The following NBAS variants were observed in gnomAD, a reference collection of about 807,000 sequenced individuals.
NBAS encodes the protein NAG/BC035112 fusion.
Under a neutral mutation model 302.5 loss-of-function variants are expected in NBAS, and 219 were observed. That is an observed-to-expected ratio of 0.72 (90% CI 0.65 to 0.81). The LOEUF (loss-of-function observed/expected upper bound fraction) is 0.81. Among genes scored for constraint, NBAS ranks in the 30% least tolerant of loss-of-function variants. The probability of loss-of-function intolerance (pLI) is 0.00; values close to 1 mark genes in which losing one functional copy is unlikely to be tolerated. For synonymous variants in NBAS, 1,118 were observed against 1,021.6 expected, an observed-to-expected ratio of 1.09 and a Z score of -1.80; for missense variants, 2,932 against 2,841.6, an observed-to-expected ratio of 1.03 and a Z score of -0.72.
chr2:14,951,578 A>C, the NBAS span, among the ~76,000 whole-genome samples: 2 of 152,184 alleles, frequency 1.3e-5, no homozygotes, highest in African/African-American at 2.4e-5. Context: ...TCACTCACCT[A>C]TGCATTTAAA....
At chr2:15,165,038 C>T (rs1663980899), downstream of NBAS, among the ~76,000 whole-genome samples, 2 of 152,138 alleles carry the variant, frequency 1.3e-5, no homozygotes, top group Admixed American at 6.5e-5. Context: ...GTCTACTAAT[C>T]CATAAAGTCA....
intron 35 of NBAS, among the ~76,000 whole-genome samples, chr2:15,342,200 C>T (rs1201367562): frequency 6.6e-6 from 1 of 152,068 alleles, no homozygotes; most frequent in Admixed American, 6.6e-5. Flanking sequence ...ACGTAGAATG[C>T]ACAGTGCAGT....
chr2:15,261,570 T>C (rs757149161), intron 44 of NBAS, among the ~76,000 whole-genome samples: 7 of 152,214 alleles, frequency 4.6e-5, no homozygotes, highest in Non-Finnish European at 1.0e-4. Flanking sequence ...CTTTGCCTTG[T>C]ACAATAACCA....
chr2:14,817,208 C>T, the NBAS span, among the ~76,000 whole-genome samples: 14 of 152,158 alleles, frequency 9.2e-5, no homozygotes, highest in East Asian at 9.6e-4. Flanking sequence ...AGAATTTCTC[C>T]GCCTTGTAAC....
the NBAS span, among the ~76,000 whole-genome samples, chr2:14,852,937 A>C: frequency 6.9e-6 from 1 of 144,928 alleles, no homozygotes; most frequent in Non-Finnish European, 1.5e-5. Flanking sequence ...TGGATTAAAG[A>C]TTTAAACGTT....
the NBAS span, among the ~76,000 whole-genome samples, chr2:15,063,389 A>C: frequency 6.6e-6 from 1 of 152,072 alleles, no homozygotes; most frequent in Non-Finnish European, 1.5e-5. Flanking sequence ...TCTGAGCTCC[A>C]AAATCACTCA....
intron 31 of NBAS, among the ~76,000 whole-genome samples, chr2:15,368,358 C>T (rs1674322033): frequency 6.6e-6 from 1 of 151,930 alleles, no homozygotes; most frequent in Admixed American, 6.6e-5. Context: ...TGCCACCACG[C>T]CTGGCTAACT....
chr2:15,221,107 G>A (rs1386203067), intron 47 of NBAS, among the ~76,000 whole-genome samples: 1 of 152,102 alleles, frequency 6.6e-6, no homozygotes, highest in Non-Finnish European at 1.5e-5. Context: ...AACAATTAGG[G>A]TGTAAAAATA....
the NBAS span, among the ~76,000 whole-genome samples, chr2:14,925,568 A>G: frequency 6.6e-6 from 1 of 152,208 alleles, no homozygotes; most frequent in Admixed American, 6.5e-5. Flanking sequence ...AACCATCTGC[A>G]TTTTGGCTCA....
At chr2:14,936,928 A>G in the NBAS span, among the ~76,000 whole-genome samples, 1 of 152,190 alleles carries the variant, frequency 6.6e-6, no homozygotes, top group Non-Finnish European at 1.5e-5. Flanking sequence ...GGAGAAACCT[A>G]GGAATGCAAT....
At chr2:14,989,084 A>G in the NBAS span, among the ~76,000 whole-genome samples, 1 of 152,224 alleles carries the variant, frequency 6.6e-6, no homozygotes, top group Admixed American at 6.5e-5. Context: ...GCATCCCTTG[A>G]AAGAATCATT....
chr2:14,991,664 T>G, the NBAS span, among the ~76,000 whole-genome samples: 2 of 152,120 alleles, frequency 1.3e-5, no homozygotes, highest in Non-Finnish European at 2.9e-5. Context: ...CCCAGATGAT[T>G]CCAATGTTCA....
intron 50 of NBAS, among the ~76,000 whole-genome samples, chr2:15,182,134 G>A (rs992851315): frequency 4.6e-5 from 7 of 152,228 alleles, no homozygotes; most frequent in African/African-American, 9.6e-5. Context: ...GCACTGCAGC[G>A]GCTTTGGTTT....
At chr2:14,798,777 T>C in the NBAS span, among the ~76,000 whole-genome samples, 1 of 152,112 alleles carries the variant, frequency 6.6e-6, no homozygotes, top group Non-Finnish European at 1.5e-5. Flanking sequence ...TTAGGTTATC[T>C]ACTTCTTCCT....
At chr2:14,793,462 G>T in the NBAS span, among the ~76,000 whole-genome samples, 1 of 152,098 alleles carries the variant, frequency 6.6e-6, no homozygotes, top group East Asian at 1.9e-4. Flanking sequence ...GAGTATGATA[G>T]ATTCAGTAAA....
chr2:14,882,893 A>G, the NBAS span, among the ~76,000 whole-genome samples: 13,927 of 152,148 alleles, frequency 0.092, 1,021 homozygotes, highest in African/African-American at 0.2. Flanking sequence ...AGAGACTCAT[A>G]TCAGTGTTGT....
chr2:15,392,587 C>A (rs554664385), intron 28 of NBAS, among the ~76,000 whole-genome samples: 27 of 151,924 alleles, frequency 1.8e-4, no homozygotes, highest in Non-Finnish European at 3.4e-4. Context: ...AAGAATAGTA[C>A]ACTGAAAACT....
chr2:14,848,793 G>A, the NBAS span, among the ~76,000 whole-genome samples: 1 of 151,896 alleles, frequency 6.6e-6, no homozygotes, highest in Non-Finnish European at 1.5e-5. Context: ...AGCCTAACTG[G>A]GAGGCACCCC....
At chr2:15,549,724 T>A (rs1664286420) in intron 6 of NBAS, among the ~76,000 whole-genome samples, 1 of 151,694 alleles carries the variant, frequency 6.6e-6, no homozygotes, top group Non-Finnish European at 1.5e-5. Flanking sequence ...TGAGACCCTG[T>A]CTCAAAAAAA....
Sources: gnomAD v4.1 joint callset for allele counts (sites outside exome capture counted in the v4.1 genomes callset) on GRCh38, gnomAD v4.1.1 for gene constraint, MANE v1.5 for transcripts, NCBI Gene and HGNC (gene_info 2026-07-23, HGNC 2026-07-21) for gene names.